PCDHA6: variants seen among roughly 807,000 people sequenced by gnomAD.
The protein encoded by PCDHA6 is protocadherin alpha 6, also known as protocadherin alpha-6.
Under a neutral mutation model 60.3 loss-of-function variants are expected in PCDHA6, and 55 were observed. That is an observed-to-expected ratio of 0.91 (90% CI 0.73 to 1.14). The LOEUF is 1.14. Among genes scored for constraint, PCDHA6 ranks in the 50% most tolerant of loss-of-function variants. The probability of loss-of-function intolerance (pLI) is 0.00; values close to 1 mark genes in which losing one functional copy is unlikely to be tolerated. For synonymous variants in PCDHA6, 652 were observed against 557.9 expected (o/e 1.17, Z -2.38); for missense variants, 1,327 against 1,256.5 (o/e 1.06, Z -0.85).
intron 1 of PCDHA6, among the ~76,000 whole-genome samples, chr5:140,903,031 A>G (rs1411414428): frequency 1.3e-5 from 2 of 152,188 alleles, no homozygotes; most frequent in Admixed American, 1.3e-4. Flanking sequence ...TGGCTTGCAC[A>G]TGTGTCTTTT....
Position 140,899,097 on chromosome 5 carries a change from T to C in PCDHA6, c.2394+68612T>C, listed in dbSNP as rs1160754058. Among the ~76,000 whole-genome samples the C allele has an allele frequency of 9.8e-3, 1,481 of 151,828 alleles. 12 individuals carry two copies. The highest frequency in any genetic ancestry group is 0.026 in the African/African-American group (1,065 of 41,212). ...AGCTTAAGGAGATTTTGGGCTGAGATAATGGGGTTTTCTAGATATACAATC... is the reference window on the plus strand; with the variant it reads ...AGCTTAAGGAGATTTTGGGCTGAGACAATGGGGTTTTCTAGATATACAATC... On this transcript the variant is annotated intron_variant, in intron 1 of 3. Transcript: ENST00000529310.
In PCDHA6 at chr5:140,839,562, G is replaced by A. The variant is rs150033615; in HGVS notation, c.2394+9077G>A. 3.5e-3 allele frequency among the ~76,000 whole-genome samples: 533 copies of A among 151,978 alleles called. 7 individuals carry two copies. The highest frequency in any genetic ancestry group is 0.012 in the African/African-American group (497 of 41,442). ...ACACCACCATGCCCAACTAATTTTT[G>A]TATTTTTTGTAGAGATGGGGTCTTA... On this transcript the variant is annotated intron_variant, in intron 1 of 3. Coordinates refer to ENST00000529310, the MANE Select transcript of PCDHA6 (RefSeq NM_018909.4).
chr5:140,904,397 T>G (rs2071090298), intron 1 of PCDHA6, among the ~76,000 whole-genome samples: 1 of 151,416 alleles, frequency 6.6e-6, no homozygotes, highest in East Asian at 1.9e-4. Flanking sequence ...TATTCCATGG[T>G]GTATTATATA....
chr5:140,882,161 T>C (rs1235221234), intron 1 of PCDHA6: 1 of 1,509,194 alleles, frequency 6.6e-7, no homozygotes, highest in African/African-American at 1.4e-5. Flanking sequence ...GGAATACCTC[T>C]TGCGAATCCT....
intron 1 of PCDHA6, among the ~76,000 whole-genome samples, chr5:140,972,660 A>ATTTTT (rs11350929): frequency 8.5e-5 from 10 of 117,262 alleles, no homozygotes; most frequent in Non-Finnish European, 1.6e-4. Context: ...AAGAAACCAA[A>ATTTTT]TTTTTTTTTT....
At position 140,988,717 on chromosome 5, in the gene PCDHA6, T is replaced by C. The variant is rs79402139; in HGVS notation, c.2542+6154T>C. Among the ~76,000 whole-genome samples, 1,208 of 152,334 alleles carry C rather than the reference T, an allele frequency of 7.9e-3. 20 individuals carry two copies. Among genetic ancestry groups the C allele is most frequent in the African/African-American group, 0.027 (1,139 of 41,566 alleles). On this transcript the variant is annotated intron_variant, in intron 3 of 3. Transcript: ENST00000529310. ...CTCTGTATTTTCTTGGACCTCTCATTTGCCCCATAGTAATTATTCTAGGAT... is the reference window on the plus strand; with the variant it reads ...CTCTGTATTTTCTTGGACCTCTCATCTGCCCCATAGTAATTATTCTAGGAT...
rs2150366825 is a variant in PCDHA6, at chr5:140,843,799, A to G, written c.2394+13314A>G. Reference sequence around the variant, plus strand: ...AAAAGTGTTTCAGATTTAGTTTTTCACCGTATTTTATAGTGAAAATTTAAA... The same window carrying G: ...AAAAGTGTTTCAGATTTAGTTTTTCGCCGTATTTTATAGTGAAAATTTAAA... On this transcript the variant is annotated intron_variant, in intron 1 of 3. Transcript: ENST00000529310. 59 of 1,346,314 alleles carry G rather than the reference A, an allele frequency of 4.4e-5. 4 individuals carry two copies. Among genetic ancestry groups the G allele is most frequent in the Middle Eastern group, 2.1e-4 (1 of 4,868 alleles). The allele number at this position is 1,346,314 out of a possible 1,614,324, so 83.4% of individuals were successfully genotyped here.
chr5:140,860,512 T>A (rs1379513509), intron 1 of PCDHA6: 3 of 152,166 alleles, frequency 2.0e-5, no homozygotes, highest in African/African-American at 7.2e-5. Context: ...AAGATAAAAC[T>A]CTTCATGGAA....
At chr5:140,959,234 G>A (rs2095475246) in intron 1 of PCDHA6, among the ~76,000 whole-genome samples, 2 of 152,106 alleles carry the variant, frequency 1.3e-5, no homozygotes, top group Admixed American at 6.5e-5. Context: ...AAAATTATCT[G>A]GGCATGATAG....
At chr5:140,968,287 C>G (rs7712041) in intron 1 of PCDHA6, 1 of 1,613,902 alleles carries the variant, frequency 6.2e-7, no homozygotes, top group South Asian at 1.1e-5. Context: ...TGACCTACTC[C>G]CTTCTGGAGA....
At chr5:140,831,520 CTT>C (rs2150195630) in intron 1 of PCDHA6, among the ~76,000 whole-genome samples, 29 of 122,402 alleles carry the variant, frequency 2.4e-4, no homozygotes, top group South Asian at 8.4e-4. Flanking sequence ...TGCCCCCCAC[CTT>C]TTTTTTTTTT....
intron 1 of PCDHA6, chr5:140,850,151 G>A (rs1554143863): frequency 3.1e-6 from 5 of 1,595,466 alleles, no homozygotes; most frequent in Admixed American, 1.7e-5. Flanking sequence ...TGACGCTGCA[G>A]GTGTTCGTGC....
intron 1 of PCDHA6, among the ~76,000 whole-genome samples, chr5:140,913,707 A>T (rs1355291016): frequency 6.6e-6 from 1 of 152,120 alleles, no homozygotes; most frequent in Non-Finnish European, 1.5e-5. Flanking sequence ...CAATGTAGGC[A>T]ATTACAGCTA....
At chr5:140,978,048 C>T (rs2096787371) in intron 1 of PCDHA6, among the ~76,000 whole-genome samples, 1 of 152,146 alleles carries the variant, frequency 6.6e-6, no homozygotes, top group African/African-American at 2.4e-5. Flanking sequence ...GTGATGGTGA[C>T]TGATGATGTC....
chr5:140,877,179 G>A (rs1554169418), intron 1 of PCDHA6: 8 of 1,613,712 alleles, frequency 5.0e-6, no homozygotes, highest in East Asian at 2.2e-5. Flanking sequence ...TGGCGACTCC[G>A]GCTGGCAGCG....
chr5:140,921,940 C>T (rs114983283), intron 1 of PCDHA6, among the ~76,000 whole-genome samples: 6,108 of 151,846 alleles, frequency 0.04, 136 homozygotes, highest in Non-Finnish European at 0.052. Context: ...TATAATTTTA[C>T]ACTTGTAAAA....
In PCDHA6 at chr5:140,845,149, T is replaced by C. The variant is rs1779719048; in HGVS notation, c.2394+14664T>C. On this transcript the variant is annotated intron_variant, in intron 1 of 3. Coordinates refer to ENST00000529310, the MANE Select transcript of PCDHA6 (RefSeq NM_018909.4). ...TTTATTTGACTATTTGAACACATTGTGTAAAAGCGAATTGTTTTCATTTTA... is the reference window on the plus strand; with the variant it reads ...TTTATTTGACTATTTGAACACATTGCGTAAAAGCGAATTGTTTTCATTTTA... 1.3e-5 allele frequency among the ~76,000 whole-genome samples: 2 copies of C among 149,682 alleles called. 1 individual carries two copies. The highest frequency in any genetic ancestry group is 1.3e-4 in the Admixed American group (2 of 14,942).
chr5:140,862,586 C>G (rs2047435706), intron 1 of PCDHA6: 3 of 498,034 alleles, frequency 6.0e-6, no homozygotes, highest in Non-Finnish European at 1.2e-5. Flanking sequence ...TTCCAGCAGC[C>G]CGAGTACATG....
chr5:140,955,501 A>G (rs1479045859), intron 1 of PCDHA6, among the ~76,000 whole-genome samples: 5 of 152,114 alleles, frequency 3.3e-5, no homozygotes, highest in African/African-American at 1.2e-4. Context: ...CATGTGAAGA[A>G]AGACGTGTTT....
Sources: gnomAD v4.1 joint callset for allele counts (sites outside exome capture counted in the v4.1 genomes callset) on GRCh38, gnomAD v4.1.1 for gene constraint, MANE v1.5 for transcripts, NCBI Gene and HGNC (gene_info 2026-07-23, HGNC 2026-07-21) for gene names.